The following VGLL4 variants were observed in gnomAD, a reference collection of about 807,000 sequenced individuals.
VGLL4 encodes the protein vestigial like family member 4.
Under a neutral mutation model 21.0 loss-of-function variants are expected in VGLL4, and 7 were observed. That is an observed-to-expected ratio of 0.33 (90% CI 0.19 to 0.63). VGLL4 has a LOEUF of 0.63. VGLL4 is among the 20% of genes least tolerant of loss of function. The probability of loss-of-function intolerance (pLI) is 0.78; values close to 1 mark genes in which losing one functional copy is unlikely to be tolerated. For missense variants in VGLL4, 394 were observed against 425.7 expected, an observed-to-expected ratio of 0.93 and a Z score of 0.66; for synonymous variants, 222 against 173.2, an observed-to-expected ratio of 1.28 and a Z score of -2.21.
intron 1 of VGLL4, among the ~76,000 whole-genome samples, chr3:11,711,268 G>T (rs1396995317): frequency 6.6e-6 from 1 of 151,832 alleles, no homozygotes; most frequent in African/African-American, 2.4e-5. Flanking sequence ...GGCCAGTCGT[G>T]GTGGTTCACC....
chr3:11,602,375 G>A (rs776333626), intron 1 of VGLL4, among the ~76,000 whole-genome samples: 20 of 151,950 alleles, frequency 1.3e-4, no homozygotes, highest in Non-Finnish European at 2.1e-4. Flanking sequence ...TATTCCACTC[G>A]ATACAGATAG....
chr3:11,562,279 G>A (rs1360684240), intron 3 of VGLL4, among the ~76,000 whole-genome samples: 1 of 152,148 alleles, frequency 6.6e-6, no homozygotes, highest in African/African-American at 2.4e-5. Context: ...TGTCTGTCCT[G>A]AGCTGCTATC....
rs182616124 is a variant in VGLL4, at chr3:11,616,027, C to G, written c.83-14005G>C. 3.9e-5 allele frequency among the ~76,000 whole-genome samples: 6 copies of G among 152,334 alleles called. No homozygotes were observed. The East Asian group carries it at 7.7e-4, about 20-fold the overall frequency. ...AACGTGGCCACCCTGCCTCCCACCA[C>G]GAGAGATCAGGATCCCTGACTGATT... On this transcript the variant is annotated intron_variant, in intron 1 of 4. Coordinates refer to ENST00000430365, the MANE Select transcript of VGLL4 (RefSeq NM_001128219.3).
intron 1 of VGLL4, among the ~76,000 whole-genome samples, chr3:11,637,533 TTC>T (rs1210831594): frequency 6.6e-6 from 1 of 152,252 alleles, no homozygotes; most frequent in Non-Finnish European, 1.5e-5. Flanking sequence ...TAAGAATAGA[TTC>T]TCTATTTCAT....
intron 2 of VGLL4, among the ~76,000 whole-genome samples, chr3:11,668,644 G>A (rs1180017260): frequency 6.6e-6 from 1 of 152,204 alleles, no homozygotes; most frequent in Non-Finnish European, 1.5e-5. Context: ...TAAAGTCCAA[G>A]CCTCTGCAGA....
chr3:11,712,978 T>C (rs1236345737), intron 1 of VGLL4, among the ~76,000 whole-genome samples: 3 of 152,164 alleles, frequency 2.0e-5, no homozygotes, highest in East Asian at 3.8e-4. Flanking sequence ...GGTCAATTGA[T>C]GCTGAGACTG....
chr3:11,645,387 G>A (rs1041465683), upstream of VGLL4, among the ~76,000 whole-genome samples: 12 of 148,626 alleles, frequency 8.1e-5, no homozygotes, highest in Non-Finnish European at 1.6e-4. Context: ...TCAGGAGATC[G>A]AGACCATCCT....
intron 2 of VGLL4, among the ~76,000 whole-genome samples, chr3:11,694,490 C>T (rs59642639): frequency 0.028 from 4,298 of 152,072 alleles, 212 homozygotes; most frequent in East Asian, 0.18. Context: ...GGCATGGTGG[C>T]CAGTGCCTAT....
intron 2 of VGLL4, among the ~76,000 whole-genome samples, chr3:11,660,613 T>C (rs1271070004): frequency 6.6e-6 from 1 of 152,218 alleles, no homozygotes; most frequent in Non-Finnish European, 1.5e-5. Flanking sequence ...AAATTTTAGT[T>C]TTACTTTGTA....
intron 1 of VGLL4, among the ~76,000 whole-genome samples, chr3:11,621,079 A>C (rs1361826818): frequency 2.0e-5 from 3 of 152,234 alleles, no homozygotes; most frequent in Non-Finnish European, 4.4e-5. Flanking sequence ...TTTTAATGTA[A>C]GCAAATGCAC....
intron 1 of VGLL4, among the ~76,000 whole-genome samples, chr3:11,640,529 G>T (rs1010701272): frequency 3.3e-5 from 5 of 152,208 alleles, no homozygotes; most frequent in African/African-American, 1.2e-4. Context: ...CTCATCATTA[G>T]TGAAGGGAAT....
upstream of VGLL4, chr3:11,643,980 C>A: frequency 1.0e-6 from 1 of 990,208 alleles, no homozygotes; most frequent in Non-Finnish European, 1.2e-6. Context: ...CTCACTGCGC[C>A]GCGCTGCCGA....
chr3:11,642,722 G>A (rs1180855200), intron 1 of VGLL4, among the ~76,000 whole-genome samples: 1 of 152,192 alleles, frequency 6.6e-6, no homozygotes, highest in Non-Finnish European at 1.5e-5. Context: ...AGCACCTCGC[G>A]GGCAGTAGGA....
chr3:11,611,470 G>A (rs912275415), intron 1 of VGLL4: 4 of 152,174 alleles, frequency 2.6e-5, no homozygotes, highest in South Asian at 2.1e-4. Context: ...CAGGACCAAT[G>A]AGTTAATACA....
At chr3:11,604,130 C>T (rs1242434964) in intron 1 of VGLL4, among the ~76,000 whole-genome samples, 2 of 152,190 alleles carry the variant, frequency 1.3e-5, no homozygotes, top group East Asian at 1.9e-4. Flanking sequence ...GCTACAGGCC[C>T]CATGAAGGCA....
chr3:11,605,436 T>C (rs2074918014), intron 1 of VGLL4, among the ~76,000 whole-genome samples: 1 of 151,758 alleles, frequency 6.6e-6, no homozygotes, highest in African/African-American at 2.4e-5. Flanking sequence ...TTCTCATTTT[T>C]ATTCCTAGTA....
intron 2 of VGLL4, among the ~76,000 whole-genome samples, chr3:11,575,007 C>G (rs1363786282): frequency 1.3e-5 from 2 of 152,132 alleles, no homozygotes; most frequent in African/African-American, 2.4e-5. Context: ...AATAAAGCCG[C>G]AGATCTTTTC....
chr3:11,558,309 A>C lies in VGLL4; in HGVS notation c.*247T>G. The C allele has an allele frequency of 1.7e-6, 1 of 604,650 alleles. No homozygotes were observed. The allele number at this position is 604,650 out of a possible 1,614,324, so 37.5% of individuals were successfully genotyped here. A position where few individuals can be genotyped will look rare whatever the true frequency, so the allele number is the denominator to read the frequency against. The stretch of plus-strand genomic sequence containing the variant: ...GGTTTCTTTGGTAACTGAGGCAGGA[A>C]GTAAGGATGCTACATTAGACAGATG... On this transcript the variant is annotated 3_prime_UTR_variant, in exon 5 of 5. Coordinates refer to ENST00000430365, the MANE Select transcript of VGLL4 (RefSeq NM_001128219.3).
upstream of VGLL4, among the ~76,000 whole-genome samples, chr3:11,645,057 A>T (rs558365619): frequency 6.6e-6 from 1 of 152,134 alleles, no homozygotes; most frequent in East Asian, 1.9e-4. Context: ...TGCTATTGGA[A>T]GAACTTGGGG....
Sources: gnomAD v4.1 joint callset for allele counts (sites outside exome capture counted in the v4.1 genomes callset) on GRCh38, gnomAD v4.1.1 for gene constraint, MANE v1.5 for transcripts, NCBI Gene and HGNC (gene_info 2026-07-23, HGNC 2026-07-21) for gene names.